Variants in CKAP5 observed in about 807,000 individuals in gnomAD.
CKAP5 encodes the protein cytoskeleton-associated protein 5.
In CKAP5, 27 loss-of-function variants were observed where a neutral mutation model predicts 232.8. The observed-to-expected ratio is 0.12, with a 90% CI of 0.09 to 0.16. The LOEUF (loss-of-function observed/expected upper bound fraction) is 0.16, where lower values mean the gene tolerates loss of function less well. Among genes scored for constraint, CKAP5 ranks in the 10% least tolerant of loss-of-function variants. The pLI is 1.00. For synonymous variants in CKAP5, 785 were observed against 841.1 expected, an observed-to-expected ratio of 0.93 and a Z score of 1.16; for missense variants, 1,838 against 2,424.7, an observed-to-expected ratio of 0.76 and a Z score of 5.08.
At chr11:46,744,821 T>C (rs1460843422) in intron 42 of CKAP5, among the ~76,000 whole-genome samples, 1 of 152,204 alleles carries the variant, frequency 6.6e-6, no homozygotes, top group African/African-American at 2.4e-5. Flanking sequence ...ATCTGCATCC[T>C]GGGTTATGCA....
Position 46,755,061 on chromosome 11 carries a change from C to G in CKAP5, c.4696G>C (p.Glu1566Gln), listed in dbSNP as rs2065099861. The G allele has an allele frequency of 6.3e-7, 1 of 1,596,658 alleles. No individual in the cohort carries two copies. The highest frequency in any genetic ancestry group is 1.1e-5 in the South Asian group (1 of 87,628). The change falls in exon 36 of 44, where the codon GAG (glutamate) becomes CAG (glutamine). Residue 1566 changes from glutamate to glutamine, a missense_variant. Glu to Gln is a conservative substitution (Grantham distance 29). Around this residue, in one of 6 missense-constraint regions of CKAP5, gnomAD observed 579 missense variants for 843.2 expected, o/e 0.69. Coordinates refer to ENST00000529230, the MANE Select transcript of CKAP5 (RefSeq NM_001008938.4). ...TSIQALTQID[E>Q]VLRQEDKAEA... Reference sequence around the variant, plus strand: ...GCTTTGTCTTCCTGTCTCAGGACCTCATCGATCTGATAACAAAAATTTCAA... The same window carrying G: ...GCTTTGTCTTCCTGTCTCAGGACCTGATCGATCTGATAACAAAAATTTCAA...
chr11:46,791,821 C>A (rs1359125498), intron 13 of CKAP5, among the ~76,000 whole-genome samples: 2 of 152,152 alleles, frequency 1.3e-5, no homozygotes, highest in Non-Finnish European at 2.9e-5. Context: ...CATCACCATT[C>A]ACATTGTTCC....
intron 1 of CKAP5, among the ~76,000 whole-genome samples, chr11:46,838,795 A>AAG (rs1939979798): frequency 6.9e-6 from 1 of 145,518 alleles, no homozygotes; most frequent in Non-Finnish European, 1.5e-5. Context: ...CCCCATCTCA[A>AAG]AAAAAAAAAA....
chr11:46,747,534 G>A (rs1184071579), intron 42 of CKAP5, among the ~76,000 whole-genome samples: 1 of 151,538 alleles, frequency 6.6e-6, no homozygotes, highest in Admixed American at 6.6e-5. Flanking sequence ...CCTGGGAGGC[G>A]GAGGGTGCAG....
chr11:46,751,349 G>A lies in CKAP5; in HGVS notation c.5319C>T (p.Pro1773=). The change falls in exon 39 of 44, where the codon CCC becomes CCT. Residue 1773 remains proline (P), a synonymous_variant. Transcript: ENST00000529230. ...LLHTLCKLKG[P]KILDHLTMID... is the part of the protein sequence containing the mutation. The stretch of plus-strand genomic sequence containing the variant: ...ACCAGTTGCGATTCTTACTCACCTT[G>A]GGCCCTTTTAATTTGCATAAGGTGT... 3.7e-6 allele frequency: 6 copies of A among 1,613,748 alleles called. No homozygotes were observed. The highest frequency in any genetic ancestry group is 2.7e-5 in the African/African-American group (2 of 74,932).
At chr11:46,797,105 C>A (rs1204794856) in intron 11 of CKAP5, among the ~76,000 whole-genome samples, 165 bp from the exon 12 acceptor site, 1 of 152,102 alleles carries the variant, frequency 6.6e-6, no homozygotes, top group Non-Finnish European at 1.5e-5. Flanking sequence ...TTCAAAAATT[C>A]TTTTTGGGCC....
intron 1 of CKAP5, among the ~76,000 whole-genome samples, chr11:46,832,016 C>T (rs990598087): frequency 2.0e-5 from 3 of 151,724 alleles, no homozygotes; most frequent in African/African-American, 7.3e-5. Flanking sequence ...AGGTGTTTGC[C>T]ACCATGCCCA....
intron 13 of CKAP5, among the ~76,000 whole-genome samples, chr11:46,794,222 G>A (rs1372401471): frequency 2.0e-5 from 3 of 152,104 alleles, no homozygotes; most frequent in African/African-American, 7.2e-5. Context: ...TTTGGGAGGC[G>A]GAGGCAGGAG....
At chr11:46,806,168 T>C (rs561554555) in intron 8 of CKAP5, among the ~76,000 whole-genome samples, 75 of 152,320 alleles carry the variant, frequency 4.9e-4, no homozygotes, top group South Asian at 2.5e-3. Flanking sequence ...CTCAGAAATC[T>C]ATTGTCTGTC....
rs761498505 is a variant in CKAP5, at chr11:46,754,143, G to A, written c.4870-646C>T. 4.6e-5 allele frequency among the ~76,000 whole-genome samples: 7 copies of A among 151,940 alleles called. No individual in the cohort carries two copies. The East Asian group carries it at 7.8e-4, about 17-fold the overall frequency. ...CTCCCGAGTAGCTGGGATTACAGGC[G>A]CCCGCCACCAGGCCTGGCTAATTTT... On this transcript the variant is annotated intron_variant, in intron 36 of 43. Coordinates refer to ENST00000529230, the MANE Select transcript of CKAP5 (RefSeq NM_001008938.4).
intron 35 of CKAP5, 145 bp downstream of exon 35, chr11:46,758,778 T>C (rs1218400680): frequency 1.2e-6 from 1 of 832,150 alleles, no homozygotes; most frequent in East Asian, 2.7e-5. Flanking sequence ...GATGACTGAG[T>C]GGCACCTGTG....
Position 46,808,046 on chromosome 11 carries a change from T to C in CKAP5, c.963A>G (p.Val321=), listed in dbSNP as rs187962302. The C allele has an allele frequency of 3.7e-5, 59 of 1,613,378 alleles. No individual in the cohort carries two copies. In the Admixed American group the frequency reaches 7.2e-4, roughly 20 times the overall value. ...KLEAGDYADL[V]KALKKVVGKD... ...TCATATTTACCTTCTTTAATGCTTT[T>C]ACTAAATCTGCATAATCGCCAGCTT... The change falls in exon 8 of 44, where the codon GTA becomes GTG. Residue 321 remains valine (V), a synonymous_variant. Coordinates refer to ENST00000529230, the MANE Select transcript of CKAP5 (RefSeq NM_001008938.4).
intron 2 of CKAP5, among the ~76,000 whole-genome samples, chr11:46,818,999 T>C (rs1165395161): frequency 6.6e-6 from 1 of 152,130 alleles, no homozygotes; most frequent in Non-Finnish European, 1.5e-5. Context: ...AACAGGTGTT[T>C]AATAAATAAA....
At chr11:46,755,951 T>C (rs1427189199) in intron 35 of CKAP5, among the ~76,000 whole-genome samples, 1 of 152,142 alleles carries the variant, frequency 6.6e-6, no homozygotes, top group Admixed American at 6.5e-5. Flanking sequence ...AAAATACTTA[T>C]GTTTAAATGT....
rs1173146648 is a variant in CKAP5 at position 46,751,511 on chromosome 11, C to G, written c.5157G>C (p.Leu1719=). 18 of 1,611,830 alleles carry G rather than the reference C, an allele frequency of 1.1e-5. No individual in the cohort carries two copies. Among genetic ancestry groups the G allele is most frequent in the Non-Finnish European group, 1.5e-5 (18 of 1,179,156 alleles). ...TAATGCTATTGATGGTATCAGGCAA[C>G]AGTCGAACCATTCTCCAGAGACACT... ...VMKCLWRMVR[L]LPDTINSINL... Residue 1719 remains leucine, a synonymous_variant, in exon 39 of 44, where the codon CTG becomes CTC. Coordinates refer to ENST00000529230, the MANE Select transcript of CKAP5 (RefSeq NM_001008938.4).
intron 18 of CKAP5, among the ~76,000 whole-genome samples, 178 bp from the exon 19 acceptor site, chr11:46,780,663 G>A (rs1022678971): frequency 6.6e-6 from 1 of 152,048 alleles, no homozygotes; most frequent in African/African-American, 2.4e-5. Context: ...CTGTCACCTA[G>A]GCTACAGTAC....
rs1288873126 is a variant in CKAP5, at chr11:46,750,264, G to A, written c.5704+10C>T. On this transcript the variant is annotated intron_variant, in intron 42 of 43. Transcript: ENST00000529230. ...GAGCTTATTCCTGGAGCTATAACAGGAAACCATACCTGTTGAAGTGGAAAT... is the reference window on the plus strand; with the variant it reads ...GAGCTTATTCCTGGAGCTATAACAGAAAACCATACCTGTTGAAGTGGAAAT... The A allele has an allele frequency of 3.1e-6, 5 of 1,611,516 alleles. No individual in the cohort carries two copies. The highest frequency in any genetic ancestry group is 2.2e-5 in the East Asian group (1 of 44,876).
intron 3 of CKAP5, 51 bp downstream of exon 3, chr11:46,818,259 G>A (rs1212552867): frequency 6.4e-6 from 9 of 1,398,048 alleles, no homozygotes; most frequent in Non-Finnish European, 8.7e-6. Flanking sequence ...CATACATTAT[G>A]TAACACCAAA....
intron 40 of CKAP5, among the ~76,000 whole-genome samples, 176 bp downstream of exon 40, chr11:46,750,942 G>A (rs2065060057): frequency 6.6e-6 from 1 of 152,216 alleles, no homozygotes; most frequent in Admixed American, 6.5e-5. Context: ...ACTTAGTTTA[G>A]ATTTTAAAAT....
Sources: allele counts gnomAD v4.1 joint callset (sites outside exome capture counted in the v4.1 genomes callset), GRCh38; gene constraint gnomAD v4.1.1; regional missense constraint gnomAD v4.1.1; transcripts MANE v1.5; gene names NCBI Gene and HGNC (gene_info 2026-07-23, HGNC 2026-07-21).